The following NOL4 variants were observed in gnomAD, a reference collection of about 807,000 sequenced individuals.
NOL4 encodes nucleolar protein 4, also known as cancer/testis antigen 125.
Under a neutral mutation model 75.9 loss-of-function variants are expected in NOL4, and 17 were observed. That is an observed-to-expected ratio of 0.22 (90% CI 0.15 to 0.34). The LOEUF is 0.34. NOL4 is among the 10% of genes least tolerant of loss of function. The probability of loss-of-function intolerance (pLI) is 1.00; values close to 1 mark genes in which losing one functional copy is unlikely to be tolerated. For missense variants in NOL4, 614 were observed against 793.5 expected, an observed-to-expected ratio of 0.77 and a Z score of 2.72; for synonymous variants, 292 against 289.9, an observed-to-expected ratio of 1.01 and a Z score of -0.07.
chr18:34,216,659 T>G (rs1452231991), intron 1 of NOL4, among the ~76,000 whole-genome samples: 1 of 149,742 alleles, frequency 6.7e-6, no homozygotes, highest in African/African-American at 2.4e-5. Flanking sequence ...ATATAATAAG[T>G]GAAATGAAAT....
chr18:33,897,252 A>C (rs2065465554), intron 9 of NOL4, among the ~76,000 whole-genome samples: 1 of 152,178 alleles, frequency 6.6e-6, no homozygotes, highest in African/African-American at 2.4e-5. Context: ...TGACCCAGCA[A>C]TCCCATTACT....
intron 9 of NOL4, among the ~76,000 whole-genome samples, chr18:33,939,756 CCTTT>C (rs1204953438): frequency 1.3e-5 from 2 of 151,928 alleles, no homozygotes; most frequent in Non-Finnish European, 2.9e-5. Flanking sequence ...ATTTAAATAC[CCTTT>C]CTTTCTTTCT....
chr18:33,920,543 A>G (rs2066975523), intron 9 of NOL4, among the ~76,000 whole-genome samples: 1 of 152,226 alleles, frequency 6.6e-6, no homozygotes. Flanking sequence ...GCCTACATGA[A>G]GAACCAGCAC....
intron 6 of NOL4, among the ~76,000 whole-genome samples, chr18:33,961,040 G>A (rs2070076168): frequency 6.6e-6 from 1 of 151,790 alleles, no homozygotes; most frequent in African/African-American, 2.4e-5. Flanking sequence ...AAATTTACAT[G>A]GAGCTTTAAC....
chr18:34,125,111 C>T (rs2080325039), intron 2 of NOL4, among the ~76,000 whole-genome samples: 1 of 152,062 alleles, frequency 6.6e-6, no homozygotes, highest in South Asian at 2.1e-4. Flanking sequence ...CTTCTCTTGC[C>T]TAATGATATT....
At chr18:34,097,685 T>C (rs983329779) in intron 4 of NOL4, among the ~76,000 whole-genome samples, 9 of 152,224 alleles carry the variant, frequency 5.9e-5, no homozygotes, top group Non-Finnish European at 1.2e-4. Flanking sequence ...ATGTGACTAA[T>C]GACTACCATC....
At chr18:34,006,425 A>G (rs1471439044) in intron 6 of NOL4, among the ~76,000 whole-genome samples, 1 of 152,002 alleles carries the variant, frequency 6.6e-6, no homozygotes, top group African/African-American at 2.4e-5. Context: ...GCATTAACCA[A>G]TTTGCTGAGT....
chr18:33,883,287 C>T lies in NOL4; in HGVS notation c.1680G>A (p.Gly560=), dbSNP rs2064422662. 1.9e-6 allele frequency: 3 copies of T among 1,612,408 alleles called. No individual in the cohort carries two copies. The highest frequency in any genetic ancestry group is 1.7e-5 in the Admixed American group (1 of 59,754). The part of the protein sequence containing the change: ...NGTYSYHSYR[G]LGGGLLNLND... Reference sequence around the variant, plus strand: ...TCAGATTTAGCAGACCCCCTCCTAGCCCTCTGTAACTATGGTAACTATAGG... The same window carrying T: ...TCAGATTTAGCAGACCCCCTCCTAGTCCTCTGTAACTATGGTAACTATAGG... Residue 560 remains glycine, a synonymous_variant, in exon 10 of 11, where the codon GGG becomes GGA. Coordinates refer to ENST00000261592, the MANE Select transcript of NOL4 (RefSeq NM_003787.5).
At chr18:34,016,693 C>A (rs1482596150) in intron 6 of NOL4, among the ~76,000 whole-genome samples, 1 of 152,100 alleles carries the variant, frequency 6.6e-6, no homozygotes, top group Non-Finnish European at 1.5e-5. Flanking sequence ...AGTCCCTCAG[C>A]ACCCTTCCTC....
chr18:34,076,165 G>C (rs1207021551), intron 5 of NOL4, among the ~76,000 whole-genome samples: 1 of 152,090 alleles, frequency 6.6e-6, no homozygotes, highest in Non-Finnish European at 1.5e-5. Flanking sequence ...GCTTCCTCTG[G>C]TCAGATGAAT....
chr18:33,869,267 T>C (rs941148084), intron 10 of NOL4, among the ~76,000 whole-genome samples: 1 of 152,028 alleles, frequency 6.6e-6, no homozygotes, highest in Non-Finnish European at 1.5e-5. Flanking sequence ...GATCCATTTG[T>C]TTTTAAACTT....
At chr18:33,895,242 T>C (rs968881662) in intron 9 of NOL4, among the ~76,000 whole-genome samples, 8 of 152,116 alleles carry the variant, frequency 5.3e-5, no homozygotes, top group African/African-American at 1.9e-4. Flanking sequence ...TTTATATGTA[T>C]ACATGACTAG....
chr18:34,024,331 C>T (rs2075237199), intron 5 of NOL4, among the ~76,000 whole-genome samples: 1 of 150,576 alleles, frequency 6.6e-6, no homozygotes, highest in Non-Finnish European at 1.5e-5. Flanking sequence ...TTTTCCTCCT[C>T]TAGTCCTTTG....
chr18:33,996,189 G>A (rs2073271474), intron 6 of NOL4, among the ~76,000 whole-genome samples: 1 of 151,496 alleles, frequency 6.6e-6, no homozygotes, highest in Non-Finnish European at 1.5e-5. Flanking sequence ...AGGAGATAGG[G>A]CCATTTAGAA....
chr18:34,074,121 A>C (rs73416382), intron 5 of NOL4, among the ~76,000 whole-genome samples: 163 of 151,826 alleles, frequency 1.1e-3, no homozygotes, highest in African/African-American at 3.9e-3. Context: ...GAGAATAGTC[A>C]AAGAATTGTA....
chr18:33,913,142 A>G (rs1417959174), intron 9 of NOL4, among the ~76,000 whole-genome samples: 1 of 151,652 alleles, frequency 6.6e-6, no homozygotes, highest in East Asian at 1.9e-4. Flanking sequence ...CCAGCCTGTA[A>G]TGAAATTGTT....
At chr18:33,905,489 G>A (rs1210416880) in intron 9 of NOL4, among the ~76,000 whole-genome samples, 1 of 152,064 alleles carries the variant, frequency 6.6e-6, no homozygotes, top group Non-Finnish European at 1.5e-5. Context: ...ATTCACAAAA[G>A]GATAAATGAA....
chr18:33,911,172 T>A (rs2066378830), intron 9 of NOL4, among the ~76,000 whole-genome samples: 1 of 151,416 alleles, frequency 6.6e-6, no homozygotes, highest in African/African-American at 2.4e-5. Flanking sequence ...GTTTAAGATT[T>A]TGCCTTTATT....
At chr18:34,139,942 T>C (rs999684001) in intron 1 of NOL4, among the ~76,000 whole-genome samples, 4 of 152,178 alleles carry the variant, frequency 2.6e-5, no homozygotes, top group Non-Finnish European at 5.9e-5. Context: ...ATGTACCCAG[T>C]AGTCATTCAG....
Sources: allele counts gnomAD v4.1 joint callset (sites outside exome capture counted in the v4.1 genomes callset), GRCh38; gene constraint gnomAD v4.1.1; transcripts MANE v1.5; gene names NCBI Gene and HGNC (gene_info 2026-07-23, HGNC 2026-07-21).